KIDINS220: variants seen among roughly 807,000 people sequenced by gnomAD.
KIDINS220 encodes kinase D-interacting substrate of 220 kDa.
In KIDINS220, 63 loss-of-function variants were observed where a neutral mutation model predicts 157.6. The ratio of observed to expected loss-of-function variants is 0.40; its 90% CI spans 0.33 to 0.49. KIDINS220 has a LOEUF of 0.49. Ranked by LOEUF, KIDINS220 falls within the 20% of genes least tolerant of loss-of-function variation. KIDINS220 has a pLI of 0.66. For missense variants in KIDINS220, 1,772 were observed against 2,171.2 expected (o/e 0.82, Z 3.65); for synonymous variants, 732 against 783.6 (o/e 0.93, Z 1.10).
intron 24 of KIDINS220, among the ~76,000 whole-genome samples, chr2:8,748,795 A>G (rs1279497390): frequency 6.6e-6 from 1 of 152,220 alleles, no homozygotes; most frequent in Non-Finnish European, 1.5e-5. Context: ...ATTTAAAAAC[A>G]AGAGAAAACT....
Position 8,731,497 on chromosome 2 carries a change from C to A in KIDINS220, c.4539G>T (p.Gly1513=), listed in dbSNP as rs765277836. The change falls in exon 30 of 30, where the codon GGG becomes GGT. Residue 1513 remains glycine (G), a synonymous_variant. Coordinates refer to ENST00000256707, the MANE Select transcript of KIDINS220 (RefSeq NM_020738.4). The surrounding 1 kb of genome is among the most constrained non-coding windows in gnomAD (Gnocchi z 5.2). ...CACTTGGGAGTTTTTGATAGCGCAG[C>A]CCACTTCCCTTAAGCTTCAAATCTG... is the stretch of plus-strand genomic sequence containing the variant. ...FQTDLKLKGS[G]LRYQKLPSDE... 1.2e-6 allele frequency: 2 copies of A among 1,614,188 alleles called. No homozygotes were observed. Among genetic ancestry groups the A allele is most frequent in the South Asian group, 2.2e-5 (2 of 91,080 alleles).
intron 26 of KIDINS220, among the ~76,000 whole-genome samples, chr2:8,745,612 C>T (rs1038822825): frequency 4.3e-4 from 65 of 152,254 alleles, no homozygotes; most frequent in African/African-American, 1.5e-3. Context: ...GCCTGGCCAA[C>T]ATGGTGAAAC....
At position 8,757,546 on chromosome 2, in the gene KIDINS220, C is replaced by G. The variant is rs1489920575; in HGVS notation, c.3012-5902G>C. ...TCTTTAATGTTTCAACTACCCATTC[C>G]GTTGTCTCATGAAGGCCAGTACCTC... On this transcript the variant is annotated intron_variant, in intron 22 of 29. Coordinates refer to ENST00000256707, the MANE Select transcript of KIDINS220 (RefSeq NM_020738.4). The G allele has an allele frequency of 1.6e-5, 24 of 1,472,796 alleles. No homozygotes were observed. In the Admixed American group the frequency reaches 4.8e-4, roughly 29 times the overall value. 91.2% of individuals were successfully genotyped at this position (1,472,796 alleles called of 1,614,324 possible). A position where few individuals can be genotyped will look rare whatever the true frequency, so the allele number is the denominator to read the frequency against.
chr2:8,734,663 T>C lies in KIDINS220; in HGVS notation c.3808A>G (p.Arg1270Gly). 1 of 1,602,906 alleles carries C rather than the reference T, an allele frequency of 6.2e-7. No individual in the cohort carries two copies. The highest frequency in any genetic ancestry group is 8.5e-7 in the Non-Finnish European group (1 of 1,170,666). ...TGTTACAAATATCTTACTGTGCTTC[T>C]GAAAAGGTGCCAGTCTCCAAAATTC... is the stretch of plus-strand genomic sequence containing the variant. ...NMNFGDWHLF[R>G]STVLEMRNAE... Residue 1270 changes from arginine to glycine, a missense_variant, in exon 28 of 30, where the codon AGA (arginine) becomes GGA (glycine). Arg to Gly is a moderately radical substitution (Grantham distance 125). Around this residue, in one of 3 missense-constraint regions of KIDINS220, gnomAD observed 793 missense variants for 885.5 expected, o/e 0.90. Coordinates refer to ENST00000256707, the MANE Select transcript of KIDINS220 (RefSeq NM_020738.4).
At chr2:8,821,233 A>C (rs1220375115) in intron 2 of KIDINS220, among the ~76,000 whole-genome samples, 2 of 151,980 alleles carry the variant, frequency 1.3e-5, no homozygotes, top group African/African-American at 2.4e-5. Context: ...ATAGCCTAGA[A>C]ACATGCCAAA....
chr2:8,736,019 A>G (rs1414448952), intron 27 of KIDINS220, among the ~76,000 whole-genome samples: 1 of 152,204 alleles, frequency 6.6e-6, no homozygotes. Flanking sequence ...ACTCATGCAA[A>G]CAGGGACTAG....
intron 22 of KIDINS220, among the ~76,000 whole-genome samples, chr2:8,770,387 C>T (rs1670036173): frequency 6.6e-6 from 1 of 152,018 alleles, no homozygotes; most frequent in Non-Finnish European, 1.5e-5. Context: ...ACCCGGGTGA[C>T]AGAGAGAGAT....
intron 2 of KIDINS220, among the ~76,000 whole-genome samples, chr2:8,822,230 G>GT (rs1430645789): frequency 2.6e-5 from 4 of 151,950 alleles, no homozygotes; most frequent in East Asian, 1.9e-4. Context: ...AATAACCACT[G>GT]GTTTTTTTAA....
intron 22 of KIDINS220, among the ~76,000 whole-genome samples, chr2:8,769,602 C>T (rs1250769162): frequency 2.0e-5 from 3 of 152,048 alleles, no homozygotes; most frequent in African/African-American, 4.8e-5. Flanking sequence ...TGAATTATTA[C>T]GAGGCACTTA....
At chr2:8,747,326 C>A in intron 25 of KIDINS220, 125 bp from the exon 26 acceptor site, 1 of 800,410 alleles carries the variant, frequency 1.2e-6, no homozygotes, top group Non-Finnish European at 2.1e-6. Context: ...GTTTTTGCCT[C>A]CTGATTTATA....
intron 2 of KIDINS220, 67 bp downstream of exon 2, chr2:8,826,919 A>G: frequency 1.2e-6 from 1 of 838,226 alleles, no homozygotes; most frequent in East Asian, 2.4e-5. Context: ...ACACACTTCT[A>G]TCCTATACAT....
chr2:8,834,753 A>G (rs973059496), intron 1 of KIDINS220, among the ~76,000 whole-genome samples: 18 of 152,302 alleles, frequency 1.2e-4, no homozygotes, highest in African/African-American at 4.1e-4. Context: ...AACATTCTTA[A>G]CAAGCCAAAA....
chr2:8,759,123 C>T (rs1242861939), intron 22 of KIDINS220, among the ~76,000 whole-genome samples: 3 of 152,208 alleles, frequency 2.0e-5, no homozygotes, highest in African/African-American at 4.8e-5. Context: ...TAGGAAACAA[C>T]GAAGTGCTTA....
Position 8,731,858 on chromosome 2 carries a change from T to C in KIDINS220, c.4178A>G (p.Gln1393Arg). Residue 1393 changes from glutamine (Q) to arginine (R), a missense_variant, in exon 30 of 30, where the codon CAG becomes CGG. Gln to Arg is a conservative substitution (Grantham distance 43). Coordinates refer to ENST00000256707, the MANE Select transcript of KIDINS220 (RefSeq NM_020738.4). The surrounding 1 kb of genome is among the most constrained non-coding windows in gnomAD (Gnocchi z 5.2). Reference sequence around the variant, plus strand: ...GGGGCCCCCTTCTAACTGGGACATCTGAGCAATGTATTCTCTATAGGCATC... The same window carrying C: ...GGGGCCCCCTTCTAACTGGGACATCCGAGCAATGTATTCTCTATAGGCATC... ...YRDAYREYIA[Q>R]MSQLEGGPGS... The C allele has an allele frequency of 1.2e-6, 2 of 1,614,222 alleles. No homozygotes were observed. The highest frequency in any genetic ancestry group is 1.7e-6 in the Non-Finnish European group (2 of 1,180,048).
intron 26 of KIDINS220, among the ~76,000 whole-genome samples, chr2:8,744,081 C>T (rs1666004263): frequency 1.4e-5 from 2 of 145,404 alleles, no homozygotes; most frequent in Admixed American, 1.4e-4. Flanking sequence ...TTTATATTAA[C>T]ATCTTTTATA....
At chr2:8,761,163 G>C (rs1362740902) in intron 22 of KIDINS220, among the ~76,000 whole-genome samples, 3 of 152,142 alleles carry the variant, frequency 2.0e-5, no homozygotes, top group Non-Finnish European at 4.4e-5. Context: ...TTGCTACCAA[G>C]TGATGAATTG....
At position 8,729,810 on chromosome 2, in the gene KIDINS220, CTCAT is replaced by C. The variant is rs1663780519; in HGVS notation, c.*906_*909del. 1.0e-6 allele frequency: 1 copy of C among 981,704 alleles called. No homozygotes were observed. The highest frequency in any genetic ancestry group is 1.8e-5 in the African/African-American group (1 of 57,100). The allele number at this position is 981,704 out of a possible 1,614,324, so 60.8% of individuals were successfully genotyped here. ...CTGACCTTTTTGATGTAATTATTTC[CTCAT>C]TCACTCATCTATAAATATTTATTAG... On this transcript the variant is annotated 3_prime_UTR_variant, in exon 30 of 30. Transcript: ENST00000256707.
intron 4 of KIDINS220, among the ~76,000 whole-genome samples, chr2:8,815,082 T>C (rs1676864573): frequency 6.6e-6 from 1 of 152,216 alleles, no homozygotes; most frequent in Non-Finnish European, 1.5e-5. Context: ...CAGAACTTTT[T>C]AACATCATGT....
At chr2:8,802,610 G>A (rs761820227) in intron 8 of KIDINS220, among the ~76,000 whole-genome samples, 19 of 152,180 alleles carry the variant, frequency 1.2e-4, no homozygotes, top group African/African-American at 2.4e-4. Context: ...CAAGTGGAGC[G>A]TTCAGGTAGA....
Sources: gnomAD v4.1 joint callset for allele counts (sites outside exome capture counted in the v4.1 genomes callset) on GRCh38, gnomAD v4.1.1 for gene constraint, gnomAD v4.1.1 regional missense constraint, Gnocchi (gnomAD v3.1) non-coding constraint, MANE v1.5 for transcripts, NCBI Gene and HGNC (gene_info 2026-07-23, HGNC 2026-07-21) for gene names.